PSKH2: variants seen among roughly 807,000 people sequenced by gnomAD.
PSKH2 encodes protein serine kinase H2.
In PSKH2, 16 loss-of-function variants were observed where a neutral mutation model predicts 22.5. The ratio of observed to expected loss-of-function variants is 0.71; its 90% confidence interval spans 0.48 to 1.08. PSKH2 has a LOEUF of 1.08. Among genes scored for constraint, PSKH2 ranks in the 50% least tolerant of loss-of-function variants. The pLI is 0.00. For synonymous variants in PSKH2, 188 were observed against 184.8 expected, an observed-to-expected ratio of 1.02 and a Z score of -0.14; for missense variants, 516 against 492.8, an observed-to-expected ratio of 1.05 and a Z score of -0.44.
chr8:86,068,591 G>A (rs573863635), intron 1 of PSKH2, among the ~76,000 whole-genome samples: 87 of 152,268 alleles, frequency 5.7e-4, no homozygotes, highest in African/African-American at 2.0e-3. Flanking sequence ...TACAGAGCTA[G>A]AAACGAAGGA....
Position 86,059,017 on chromosome 8 carries a change from G to A in PSKH2, c.852+4948C>T, listed in dbSNP as rs1423321452. ...TGCAGTGCTGCAATCTTAGCTCACT[G>A]CAACCTAGACCTTCCAGGCTCAAGC... On this transcript the variant is annotated intron_variant, in intron 2 of 2. Transcript: ENST00000276616. Among the ~76,000 whole-genome samples the A allele has an allele frequency of 4.6e-5, 7 of 152,194 alleles. No homozygotes were observed. In the Middle Eastern group the frequency reaches 0.01, roughly 222 times the overall value.
chr8:86,050,479 C>T (rs1274431911), intron 2 of PSKH2, among the ~76,000 whole-genome samples: 1 of 152,190 alleles, frequency 6.6e-6, no homozygotes, highest in Non-Finnish European at 1.5e-5. Flanking sequence ...GTTAATTCCT[C>T]TCAAACAACT....
chr8:86,060,424 A>ATTAG (rs145398226), intron 2 of PSKH2, among the ~76,000 whole-genome samples: 3,417 of 152,344 alleles, frequency 0.022, 127 homozygotes, highest in African/African-American at 0.077. Flanking sequence ...AATTGGTACA[A>ATTAG]TTAGCAATTA....
chr8:86,059,352 AATT>A (rs1817746662), intron 2 of PSKH2, among the ~76,000 whole-genome samples: 1 of 152,152 alleles, frequency 6.6e-6, no homozygotes, highest in African/African-American at 2.4e-5. Flanking sequence ...AAAAAAGGCG[AATT>A]ATTATTTTAC....
At chr8:86,060,709 T>C (rs576595251) in intron 2 of PSKH2, among the ~76,000 whole-genome samples, 42 of 152,324 alleles carry the variant, frequency 2.8e-4, no homozygotes, top group African/African-American at 9.6e-4. Flanking sequence ...AATGTTAATA[T>C]GCTAGACATG....
upstream of PSKH2, chr8:86,069,699 AG>A: frequency 7.1e-7 from 1 of 1,403,478 alleles, no homozygotes; most frequent in Non-Finnish European, 9.3e-7. Flanking sequence ...CCTTTATCAA[AG>A]AGCAGCTGCG....
At chr8:86,049,204 G>C (rs1413630243) in intron 2 of PSKH2, among the ~76,000 whole-genome samples, 1 of 152,148 alleles carries the variant, frequency 6.6e-6, no homozygotes, top group African/African-American at 2.4e-5. Context: ...TCAAGAATGA[G>C]AAGGAGTAGA....
At chr8:86,052,101 G>A (rs546298299) in intron 2 of PSKH2, among the ~76,000 whole-genome samples, 4 of 152,076 alleles carry the variant, frequency 2.6e-5, no homozygotes, top group Non-Finnish European at 4.4e-5. Flanking sequence ...AATGGAGTGT[G>A]CATGCCCCCA....
Position 86,048,755 on chromosome 8 carries a change from T to C in PSKH2, c.865A>G (p.Ile289Val). ...YNYTGEPWPS[I>V]SHLAKDFIDK... The stretch of plus-strand genomic sequence containing the variant: ...ATAAAGTCCTTCGCCAAGTGGGAAA[T>C]GCTTGGCCAAGGCTGAGAATAAAAA... The change falls in exon 3 of 3, where the codon ATT becomes GTT. Residue 289 changes from isoleucine to valine, a missense_variant. By Grantham distance (29) the Ile-to-Val change is conservative. Coordinates refer to ENST00000276616, the MANE Select transcript of PSKH2 (RefSeq NM_033126.3). The C allele has an allele frequency of 6.2e-7, 1 of 1,607,870 alleles. No homozygotes were observed. The highest frequency in any genetic ancestry group is 8.5e-7 in the Non-Finnish European group (1 of 1,175,616).
chr8:86,063,541 G>A (rs887767954), intron 2 of PSKH2, among the ~76,000 whole-genome samples: 3 of 152,200 alleles, frequency 2.0e-5, no homozygotes, highest in East Asian at 1.9e-4. Flanking sequence ...AAAATCTCTC[G>A]CTAAACACCC....
intron 2 of PSKH2, among the ~76,000 whole-genome samples, chr8:86,060,561 A>C (rs1198368815): frequency 6.6e-6 from 1 of 152,154 alleles, no homozygotes; most frequent in East Asian, 1.9e-4. Flanking sequence ...TATTCTCTCA[A>C]AATTCTCTGT....
intron 2 of PSKH2, among the ~76,000 whole-genome samples, chr8:86,063,736 G>T (rs1188315680): frequency 6.6e-6 from 1 of 152,196 alleles, no homozygotes; most frequent in South Asian, 2.1e-4. Flanking sequence ...TCAGTCAGGG[G>T]CGATTTTGCC....
At chr8:86,062,522 G>T (rs537047947) in intron 2 of PSKH2, among the ~76,000 whole-genome samples, 145 of 152,194 alleles carry the variant, frequency 9.5e-4, no homozygotes, top group African/African-American at 3.4e-3. Flanking sequence ...TTGGATCATG[G>T]GCAGTTTCCC....
At chr8:86,065,248 G>T (rs552336703) in intron 1 of PSKH2, among the ~76,000 whole-genome samples, 2 of 152,330 alleles carry the variant, frequency 1.3e-5, no homozygotes, top group African/African-American at 4.8e-5. Flanking sequence ...AGAATAAACA[G>T]TATGTTTCTT....
At chr8:86,051,488 A>T (rs1490453545) in intron 2 of PSKH2, among the ~76,000 whole-genome samples, 1 of 152,172 alleles carries the variant, frequency 6.6e-6, no homozygotes, top group Admixed American at 6.5e-5. Flanking sequence ...TTATCCCAGA[A>T]ATAAAAGTTA....
chr8:86,067,636 A>T (rs1817884160), intron 1 of PSKH2, among the ~76,000 whole-genome samples: 2 of 152,044 alleles, frequency 1.3e-5, no homozygotes, highest in South Asian at 4.1e-4. Flanking sequence ...CTATGATACA[A>T]ACTGGGAATT....
At position 86,064,170 on chromosome 8, in the gene PSKH2, T is replaced by C. The variant is rs558603070; in HGVS notation, c.647A>G (p.Asp216Gly). 1.2e-6 allele frequency: 2 copies of C among 1,614,182 alleles called. No individual in the cohort carries two copies. The highest frequency in any genetic ancestry group is 2.7e-5 in the African/African-American group (2 of 75,056). ...GLAYSGKKSG[D>G]WTMKTLCGTP... ...CCCACAGAGTGTCTTCATTGTCCAGTCACCACTTTTTTTCCCGGAGTATGC... is the reference window on the plus strand; with the variant it reads ...CCCACAGAGTGTCTTCATTGTCCAGCCACCACTTTTTTTCCCGGAGTATGC... Residue 216 changes from aspartate (D) to glycine (G), a missense_variant, in exon 2 of 3, where the codon GAC (aspartate) becomes GGC (glycine). Asp to Gly is a moderately conservative substitution (Grantham distance 94, BLOSUM62 -1). Coordinates refer to ENST00000276616, the MANE Select transcript of PSKH2 (RefSeq NM_033126.3).
chr8:86,059,365 C>T (rs1817746712), intron 2 of PSKH2, among the ~76,000 whole-genome samples: 1 of 152,188 alleles, frequency 6.6e-6, no homozygotes, highest in Non-Finnish European at 1.5e-5. Flanking sequence ...TATTATTTTA[C>T]AGTTCTGCAA....
chr8:86,063,356 A>T (rs1186872397), intron 2 of PSKH2, among the ~76,000 whole-genome samples: 1 of 152,202 alleles, frequency 6.6e-6, no homozygotes, highest in African/African-American at 2.4e-5. Flanking sequence ...ACACACAAGC[A>T]TTGGCAACTT....
Sources: allele counts gnomAD v4.1 joint callset (sites outside exome capture counted in the v4.1 genomes callset), GRCh38; gene constraint gnomAD v4.1.1; transcripts MANE v1.5; gene names NCBI Gene and HGNC (gene_info 2026-07-23, HGNC 2026-07-21).